The following VRK2 variants were observed in gnomAD, a reference collection of about 807,000 sequenced individuals.
The protein encoded by VRK2 is serine/threonine-protein kinase VRK2.
Under a neutral mutation model 57.6 loss-of-function variants are expected in VRK2, and 60 were observed. The ratio of observed to expected loss-of-function variants is 1.04; its 90% CI spans 0.85 to 1.29. VRK2 has a LOEUF of 1.29. Ranked by LOEUF, VRK2 falls within the 50% of genes most tolerant of loss-of-function variation. The pLI, the probability that VRK2 is intolerant of heterozygous loss-of-function variation, is 0.00. For synonymous variants in VRK2, 231 were observed against 199.2 expected (o/e 1.16, Z -1.35); for missense variants, 705 against 588.1 (o/e 1.20, Z -2.06).
At position 58,084,902 on chromosome 2, in the gene VRK2, T is replaced by C; in HGVS notation, c.208T>C (p.Leu70=). ...ATAGGAATATCAAGAAAATGGCCCG[T>C]TATTTTCAGAACTTAAATTTTATCA... The part of the protein sequence containing the change: ...VKVEYQENGP[L]FSELKFYQRV... The change falls in exon 4 of 13, where the codon TTA becomes CTA. Residue 70 remains leucine, a synonymous_variant. Coordinates refer to ENST00000340157, the MANE Select transcript of VRK2 (RefSeq NM_006296.7). 1 of 1,585,734 alleles carries C rather than the reference T, an allele frequency of 6.3e-7. No homozygotes were observed. The highest frequency in any genetic ancestry group is 2.3e-5 in the East Asian group (1 of 44,042).
Position 58,089,708 on chromosome 2 carries a change from C to T in VRK2, c.528C>T (p.Tyr176=). 1 of 1,606,908 alleles carries T rather than the reference C, an allele frequency of 6.2e-7. No homozygotes were observed. Among genetic ancestry groups the T allele is most frequent in the Non-Finnish European group, 8.5e-7 (1 of 1,175,526 alleles). ...DIKAANLLLG[Y]KNPDQVYLAD... Reference sequence around the variant, plus strand: ...AAGCAGCAAATCTACTTTTGGGTTACAAAAATCCAGACCAGGTAAATACAT... The same window carrying T: ...AAGCAGCAAATCTACTTTTGGGTTATAAAAATCCAGACCAGGTAAATACAT... Residue 176 remains tyrosine, a synonymous_variant, in exon 7 of 13, where the codon TAC becomes TAT. Transcript: ENST00000340157.
chr2:58,135,441 CTT>C (rs201516911), intron 10 of VRK2, among the ~76,000 whole-genome samples: 25 of 130,388 alleles, frequency 1.9e-4, no homozygotes, highest in Non-Finnish European at 1.8e-4. Context: ...CTGCTTAGTG[CTT>C]TTTTTTTTTT....
chr2:58,037,014 C>T (rs1447384107), intron 3 of VRK2, among the ~76,000 whole-genome samples: 3 of 152,086 alleles, frequency 2.0e-5, no homozygotes, highest in East Asian at 3.9e-4. Context: ...TCACTACTCA[C>T]TGTAGTCTTG....
intron 7 of VRK2, among the ~76,000 whole-genome samples, chr2:58,119,262 C>A (rs1242784828): frequency 6.6e-6 from 1 of 151,604 alleles, no homozygotes; most frequent in East Asian, 1.9e-4. Flanking sequence ...CTTTGGGAGA[C>A]CAAGGTGGGT....
intron 11 of VRK2, among the ~76,000 whole-genome samples, chr2:58,141,820 C>T (rs1013432502): frequency 1.1e-4 from 16 of 152,060 alleles, no homozygotes; most frequent in African/African-American, 3.9e-4. Flanking sequence ...CCCAGTTCCC[C>T]TGAATGATGC....
chr2:57,992,880 G>T (rs1488963237), intron 1 of VRK2, among the ~76,000 whole-genome samples: 3 of 152,184 alleles, frequency 2.0e-5, no homozygotes, highest in Non-Finnish European at 4.4e-5. Flanking sequence ...ACCTAGAGTG[G>T]AATAATAGTG....
chr2:58,077,551 T>G (rs1381332565), intron 2 of VRK2, among the ~76,000 whole-genome samples: 1 of 152,054 alleles, frequency 6.6e-6, no homozygotes, highest in Non-Finnish European at 1.5e-5. Flanking sequence ...AATATATTTT[T>G]GGGTGTTTAA....
chr2:57,973,815 C>G (rs534925996), intron 1 of VRK2, among the ~76,000 whole-genome samples: 26 of 151,692 alleles, frequency 1.7e-4, no homozygotes, highest in African/African-American at 5.6e-4. Flanking sequence ...TCAGAGGAAC[C>G]TCTGCGTTCA....
chr2:57,923,936 C>A (rs547295750), intron 1 of VRK2, among the ~76,000 whole-genome samples: 2 of 152,026 alleles, frequency 1.3e-5, no homozygotes, highest in South Asian at 4.2e-4. Context: ...CGTTCTTATG[C>A]GTATGGATAT....
chr2:58,113,591 A>G (rs1460818539), intron 7 of VRK2, among the ~76,000 whole-genome samples: 1 of 152,058 alleles, frequency 6.6e-6, no homozygotes, highest in Non-Finnish European at 1.5e-5. Context: ...GTAATGGAAA[A>G]TTACAGTCAA....
At chr2:57,948,654 A>G (rs1344463033) in intron 1 of VRK2, among the ~76,000 whole-genome samples, 1 of 152,170 alleles carries the variant, frequency 6.6e-6, no homozygotes, top group Non-Finnish European at 1.5e-5. Flanking sequence ...AAACATTCTT[A>G]GAAAGAAGAA....
At chr2:57,952,275 C>T (rs1175918549) in intron 1 of VRK2, among the ~76,000 whole-genome samples, 1 of 152,080 alleles carries the variant, frequency 6.6e-6, no homozygotes, top group Non-Finnish European at 1.5e-5. Flanking sequence ...ACAACACCTC[C>T]AAGGTATGCC....
chr2:58,062,040 T>G (rs536743166), intron 2 of VRK2, among the ~76,000 whole-genome samples: 1 of 152,220 alleles, frequency 6.6e-6, no homozygotes, highest in East Asian at 1.9e-4. Context: ...CAACCCTGCA[T>G]CAACCAAATC....
At chr2:58,031,403 T>C (rs1674106104) in intron 2 of VRK2, among the ~76,000 whole-genome samples, 1 of 152,046 alleles carries the variant, frequency 6.6e-6, no homozygotes, top group Admixed American at 6.6e-5. Context: ...GGGAGGGATA[T>C]ATTTTTTAGT....
chr2:58,122,413 A>G (rs759749483), intron 7 of VRK2, among the ~76,000 whole-genome samples: 10 of 152,258 alleles, frequency 6.6e-5, no homozygotes, highest in South Asian at 2.1e-4. Flanking sequence ...TACATATTCT[A>G]TAGTTACATG....
At chr2:57,964,379 G>A (rs547871941) in intron 1 of VRK2, among the ~76,000 whole-genome samples, 25 of 152,166 alleles carry the variant, frequency 1.6e-4, no homozygotes, top group African/African-American at 5.8e-4. Flanking sequence ...TCATCTTCAG[G>A]TTAAGTAGAC....
At chr2:58,008,369 G>A (rs932193180) in intron 1 of VRK2, among the ~76,000 whole-genome samples, 6 of 152,012 alleles carry the variant, frequency 3.9e-5, no homozygotes, top group South Asian at 2.1e-4. Flanking sequence ...AGGAAGGAAC[G>A]AAGAAAGGAA....
At chr2:58,117,130 A>G (rs1230345477) in intron 7 of VRK2, among the ~76,000 whole-genome samples, 2 of 152,010 alleles carry the variant, frequency 1.3e-5, no homozygotes, top group African/African-American at 4.8e-5. Context: ...ATTGAGAATA[A>G]GATGGCCTTT....
chr2:58,135,676 A>C (rs1414223968), intron 10 of VRK2, among the ~76,000 whole-genome samples: 2 of 152,202 alleles, frequency 1.3e-5, no homozygotes, highest in Non-Finnish European at 2.9e-5. Flanking sequence ...GCCAGCAAAA[A>C]AAAATTTTTA....
Sources: gnomAD v4.1 joint callset for allele counts (sites outside exome capture counted in the v4.1 genomes callset) on GRCh38, gnomAD v4.1.1 for gene constraint, MANE v1.5 for transcripts, NCBI Gene and HGNC (gene_info 2026-07-23, HGNC 2026-07-21) for gene names.